Variants in GABRB1 observed in about 807,000 individuals in gnomAD.
GABRB1 encodes the protein gamma-aminobutyric acid receptor subunit beta-1.
A neutral mutation model predicts 51.6 loss-of-function variants in GABRB1; 17 were observed. The observed-to-expected ratio is 0.33, with a 90% CI of 0.23 to 0.49. The LOEUF is 0.49. GABRB1 is among the 20% of genes least tolerant of loss of function. GABRB1 has a pLI of 0.99. For missense variants in GABRB1, 410 were observed against 600.6 expected, an observed-to-expected ratio of 0.68 and a Z score of 3.32; for synonymous variants, 247 against 218.9, an observed-to-expected ratio of 1.13 and a Z score of -1.14.
At chr4:47,214,072 G>A (rs1385796784) in intron 4 of GABRB1, among the ~76,000 whole-genome samples, 1 of 152,040 alleles carries the variant, frequency 6.6e-6, no homozygotes, top group African/African-American at 2.4e-5. Flanking sequence ...TGGATGAAAC[G>A]CTAGTGTGCC....
intron 5 of GABRB1, among the ~76,000 whole-genome samples, chr4:47,382,557 T>C (rs1727631183): frequency 6.6e-6 from 1 of 152,230 alleles, no homozygotes. Context: ...CACAGATTAT[T>C]GGCCCCATTT....
At chr4:47,044,509 T>A (rs1185972286) in intron 3 of GABRB1, among the ~76,000 whole-genome samples, 1 of 152,118 alleles carries the variant, frequency 6.6e-6, no homozygotes, top group Non-Finnish European at 1.5e-5. Flanking sequence ...CTCAGTTTCA[T>A]GTAAAATGAT....
chr4:47,037,145 T>C (rs1487213637), intron 3 of GABRB1, among the ~76,000 whole-genome samples: 1 of 152,186 alleles, frequency 6.6e-6, no homozygotes, highest in East Asian at 1.9e-4. Context: ...CATTTCCAAG[T>C]ACAGTAACTC....
chr4:47,096,603 G>GGA (rs139870192), intron 3 of GABRB1, among the ~76,000 whole-genome samples: 65 of 152,294 alleles, frequency 4.3e-4, no homozygotes, highest in African/African-American at 1.5e-3. Flanking sequence ...CTTGAGATGG[G>GGA]GAGAGTATCC....
At chr4:47,115,140 T>C (rs1353649441) in intron 3 of GABRB1, among the ~76,000 whole-genome samples, 1 of 152,240 alleles carries the variant, frequency 6.6e-6, no homozygotes, top group African/African-American at 2.4e-5. Context: ...CAAGCCTTCA[T>C]GGTTCTCATG....
chr4:47,008,240 A>G (rs1724469260), intron 1 of GABRB1, among the ~76,000 whole-genome samples: 1 of 152,114 alleles, frequency 6.6e-6, no homozygotes, highest in Non-Finnish European at 1.5e-5. Context: ...AAAACTAGAG[A>G]TGATCATTGT....
At chr4:47,116,523 A>G (rs1342917693) in intron 3 of GABRB1, among the ~76,000 whole-genome samples, 4 of 152,218 alleles carry the variant, frequency 2.6e-5, no homozygotes, top group Non-Finnish European at 5.9e-5. Context: ...CTAGTCTCCT[A>G]TGTCAGCAGC....
At chr4:47,083,523 G>A (rs1247410154) in intron 3 of GABRB1, among the ~76,000 whole-genome samples, 1 of 152,104 alleles carries the variant, frequency 6.6e-6, no homozygotes, top group African/African-American at 2.4e-5. Flanking sequence ...AAAAGCTAGT[G>A]AATGTGCATC....
chr4:47,198,305 G>C (rs1577994112), intron 4 of GABRB1, among the ~76,000 whole-genome samples: 1 of 152,188 alleles, frequency 6.6e-6, no homozygotes, highest in Non-Finnish European at 1.5e-5. Flanking sequence ...GTACCTCTTA[G>C]TGGGATACTG....
chr4:47,017,342 G>A (rs879579273), intron 1 of GABRB1, among the ~76,000 whole-genome samples: 1 of 152,160 alleles, frequency 6.6e-6, no homozygotes, highest in Admixed American at 6.5e-5. Context: ...AACTTAAATT[G>A]TAGCTGATGG....
chr4:47,178,141 A>C (rs970947937), intron 4 of GABRB1, among the ~76,000 whole-genome samples: 18 of 152,108 alleles, frequency 1.2e-4, no homozygotes, highest in African/African-American at 4.1e-4. Context: ...CAATATGATC[A>C]TCATAGTACC....
At chr4:47,263,294 A>G (rs1722520980) in intron 4 of GABRB1, among the ~76,000 whole-genome samples, 1 of 152,174 alleles carries the variant, frequency 6.6e-6, no homozygotes. Context: ...TGAAATATAG[A>G]TAGATTTAGT....
intron 5 of GABRB1, among the ~76,000 whole-genome samples, chr4:47,389,390 C>T (rs1727908660): frequency 6.6e-6 from 1 of 152,220 alleles, no homozygotes; most frequent in Admixed American, 6.5e-5. Context: ...AAGCGGGCTG[C>T]CAGTGCTTAG....
intron 4 of GABRB1, among the ~76,000 whole-genome samples, chr4:47,304,789 T>C (rs1270108756): frequency 6.6e-6 from 1 of 152,094 alleles, no homozygotes; most frequent in Non-Finnish European, 1.5e-5. Flanking sequence ...TGTATGGAGC[T>C]ACTAAAATCT....
chr4:47,180,518 A>G (rs1718899663), intron 4 of GABRB1, among the ~76,000 whole-genome samples: 1 of 152,128 alleles, frequency 6.6e-6, no homozygotes. Flanking sequence ...GCTGAAGAGA[A>G]GGAAAACCTC....
chr4:47,329,685 C>T (rs1019079173), intron 5 of GABRB1, among the ~76,000 whole-genome samples: 3 of 147,912 alleles, frequency 2.0e-5, no homozygotes, highest in Non-Finnish European at 3.0e-5. Context: ...ATATATGTAT[C>T]TTATCTCTAT....
intron 4 of GABRB1, among the ~76,000 whole-genome samples, chr4:47,177,053 G>C (rs372960736): frequency 1.3e-5 from 2 of 152,080 alleles, no homozygotes; most frequent in Non-Finnish European, 2.9e-5. Context: ...AATATAAGTT[G>C]AGCACAAGGT....
At chr4:47,292,055 C>T (rs1723759904) in intron 4 of GABRB1, among the ~76,000 whole-genome samples, 1 of 152,126 alleles carries the variant, frequency 6.6e-6, no homozygotes, top group Non-Finnish European at 1.5e-5. Flanking sequence ...TTGTCCCCAG[C>T]CAAATCTCAT....
chr4:47,403,849 A>T (rs1000984966), intron 7 of GABRB1, 138 bp downstream of exon 7: 46 of 763,488 alleles, frequency 6.0e-5, no homozygotes, highest in Middle Eastern at 2.9e-4. Flanking sequence ...AATATAAAAC[A>T]TCTAAATGTA....
Sources: allele counts gnomAD v4.1 joint callset (sites outside exome capture counted in the v4.1 genomes callset), GRCh38; gene constraint gnomAD v4.1.1; transcripts MANE v1.5; gene names NCBI Gene and HGNC (gene_info 2026-07-23, HGNC 2026-07-21).